The following RFX2 variants were observed in gnomAD, a reference collection of about 807,000 sequenced individuals.
RFX2 encodes the protein regulatory factor X2.
A neutral mutation model predicts 87.8 loss-of-function variants in RFX2; 20 were observed. The observed-to-expected ratio is 0.23, with a 90% CI of 0.16 to 0.33. The LOEUF is 0.33. RFX2 is among the 10% of genes least tolerant of loss of function. The pLI is 1.00. For synonymous variants in RFX2, 397 were observed against 431.3 expected (o/e 0.92, Z 0.98); for missense variants, 767 against 1,012.3 (o/e 0.76, Z 3.29).
chr19:6,077,875 G>A (rs138598087), intron 1 of RFX2, among the ~76,000 whole-genome samples: 3,415 of 151,878 alleles, frequency 0.022, 137 homozygotes, highest in African/African-American at 0.079. Context: ...AGCTACTTGG[G>A]AGGCTGAGGC....
intron 1 of RFX2, among the ~76,000 whole-genome samples, chr19:6,048,879 C>T (rs573234489): frequency 6.6e-6 from 1 of 151,554 alleles, no homozygotes; most frequent in Non-Finnish European, 1.5e-5. Flanking sequence ...CCCCGGCCCC[C>T]GCCCCCGTCC....
intron 1 of RFX2, among the ~76,000 whole-genome samples, chr19:6,100,730 A>G (rs2088110214): frequency 6.6e-6 from 1 of 152,004 alleles, no homozygotes; most frequent in Admixed American, 6.5e-5. Context: ...GTGAAATTAA[A>G]TAACTGCAAA....
Position 6,012,177 on chromosome 19 carries a change from A to G in RFX2, c.899+809T>C, listed in dbSNP as rs2086667292. On this transcript the variant is annotated intron_variant, in intron 8 of 17. Coordinates refer to ENST00000303657, the MANE Select transcript of RFX2 (RefSeq NM_000635.4). The surrounding 1 kb of genome is among the most constrained non-coding windows in gnomAD (Gnocchi z 4.6). The stretch of plus-strand genomic sequence containing the variant: ...AGAAAGTTTGTGATGGATGGAGAAG[A>G]GGATCTTCCAGAAAATAACCAGGGC... 1 of 152,258 alleles carries G rather than the reference A, an allele frequency of 6.6e-6. No individual in the cohort carries two copies. The highest frequency in any genetic ancestry group is 2.1e-4 in the South Asian group (1 of 4,834). 9.4% of individuals were successfully genotyped at this position (152,258 alleles called of 1,614,324 possible).
Position 6,074,472 on chromosome 19 carries a change from G to C in RFX2, c.-8-26968C>G, listed in dbSNP as rs1199424110. 2.0e-5 allele frequency among the ~76,000 whole-genome samples: 3 copies of C among 152,174 alleles called. No homozygotes were observed. Among genetic ancestry groups the C allele is most frequent in the East Asian group, 3.9e-4 (2 of 5,186 alleles). On this transcript the variant is annotated intron_variant, in intron 1 of 17. Transcript: ENST00000303657. The surrounding 1 kb of genome is among the most constrained non-coding windows in gnomAD (Gnocchi z 5.2). The stretch of plus-strand genomic sequence containing the variant: ...AGGGTGCCCATAACACACTCCCTCA[G>C]AGCCTGGACACTCAGCCATCGTTCA...
At position 5,994,944 on chromosome 19, in the gene RFX2, A is replaced by G. The variant is rs546787693; in HGVS notation, c.2063T>C (p.Met688Thr). The G allele has an allele frequency of 4.7e-5, 76 of 1,606,004 alleles. No individual in the cohort carries two copies. Among genetic ancestry groups the G allele is most frequent in the Middle Eastern group, 1.7e-4 (1 of 6,048 alleles). The change falls in exon 18 of 18, where the codon ATG (methionine) becomes ACG (threonine). Residue 688 changes from methionine to threonine, a missense_variant. By Grantham distance (81) the Met-to-Thr change is moderately conservative. Coordinates refer to ENST00000303657, the MANE Select transcript of RFX2 (RefSeq NM_000635.4). ...CTCGCTGCCACGCTGCTCATCGCCC[A>G]TGTCATCTGCGGAGGGAGGGGTAGG... ...LSLTLLDKDD[M>T]GDEQRGSEAG...
intron 3 of RFX2, among the ~76,000 whole-genome samples, chr19:6,043,227 TG>T (rs1379302020): frequency 1.3e-5 from 2 of 152,332 alleles, no homozygotes; most frequent in African/African-American, 4.8e-5. Context: ...CTCTCCTTGG[TG>T]TCTCTGGGGA....
At position 6,074,537 on chromosome 19, in the gene RFX2, G is replaced by A. The variant is rs1030655413; in HGVS notation, c.-8-27033C>T. ...ACAGTCTGAGCATCTGCCATGTGCC[G>A]GCTTCAAGTGCTGAGGACACAGCAG... On this transcript the variant is annotated intron_variant, in intron 1 of 17. Coordinates refer to ENST00000303657, the MANE Select transcript of RFX2 (RefSeq NM_000635.4). This position sits in a 1 kb window ranked among gnomAD's most constrained non-coding sequence, Gnocchi z 5.2. Among the ~76,000 whole-genome samples the A allele has an allele frequency of 2.6e-5, 4 of 152,180 alleles. No homozygotes were observed. Among genetic ancestry groups the A allele is most frequent in the South Asian group, 2.1e-4 (1 of 4,830 alleles).
At chr19:6,086,496 C>T (rs1477922325) in intron 1 of RFX2, among the ~76,000 whole-genome samples, 2 of 152,172 alleles carry the variant, frequency 1.3e-5, no homozygotes, top group Admixed American at 6.5e-5. Flanking sequence ...AGAAAAGGTA[C>T]AGGAAAAATA....
rs1013815643 is a variant in RFX2, at chr19:6,101,054, T to C, written c.-9+9339A>G. Among the ~76,000 whole-genome samples the C allele has an allele frequency of 1.3e-5, 2 of 152,226 alleles. No individual in the cohort carries two copies. On this transcript the variant is annotated intron_variant, in intron 1 of 17. Transcript: ENST00000303657. This position sits in a 1 kb window ranked among gnomAD's most constrained non-coding sequence, Gnocchi z 4.9. The stretch of plus-strand genomic sequence containing the variant: ...AGTTGCCAATGGTTTCTAACAATTT[T>C]AAATTTGTCTAGTGCCTTCTCCCCT...
chr19:6,109,245 G>A (rs1483945477), intron 1 of RFX2: 3 of 152,114 alleles, frequency 2.0e-5, no homozygotes, highest in Admixed American at 6.5e-5. Flanking sequence ...GAGAGCTGCG[G>A]ACGTGCGGAG....
intron 1 of RFX2, among the ~76,000 whole-genome samples, chr19:6,081,467 G>C (rs2087784495): frequency 6.6e-6 from 1 of 152,242 alleles, no homozygotes; most frequent in Non-Finnish European, 1.5e-5. Flanking sequence ...TAAGCATTTA[G>C]TTAACATGAA....
rs2086457797 is a variant in RFX2 at position 5,999,107 on chromosome 19, T to C, written c.1860-1894A>G. Among the ~76,000 whole-genome samples, 1 of 151,942 alleles carries C rather than the reference T, an allele frequency of 6.6e-6. No individual in the cohort carries two copies. Among genetic ancestry groups the C allele is most frequent in the Non-Finnish European group, 1.5e-5 (1 of 67,992 alleles). ...CCCGTCTCTACTAAAAATACAAAAA[T>C]CAGCCAGGCCTGGTGGTGGGCACCT... On this transcript the variant is annotated intron_variant, in intron 15 of 17. Transcript: ENST00000303657. The surrounding 1 kb of genome is among the most constrained non-coding windows in gnomAD (Gnocchi z 4.1).
At chr19:6,091,338 C>T (rs558681351) in intron 1 of RFX2, among the ~76,000 whole-genome samples, 1 of 152,024 alleles carries the variant, frequency 6.6e-6, no homozygotes, top group African/African-American at 2.4e-5. Flanking sequence ...AAAAAATTAG[C>T]CAGGCATGGT....
chr19:6,032,191 G>A (rs150799141), intron 5 of RFX2, among the ~76,000 whole-genome samples: 16 of 151,928 alleles, frequency 1.1e-4, no homozygotes, highest in East Asian at 9.7e-4. Flanking sequence ...GCGCGATCTC[G>A]GCTCACTGCA....
At position 5,997,359 on chromosome 19, in the gene RFX2, C is replaced by G. The variant is rs577883305; in HGVS notation, c.1860-146G>C. 1 of 937,938 alleles carries G rather than the reference C, an allele frequency of 1.1e-6. No individual in the cohort carries two copies. Among genetic ancestry groups the G allele is most frequent in the Non-Finnish European group, 1.5e-6 (1 of 656,778 alleles). The allele number at this position is 937,938 out of a possible 1,614,324, so 58.1% of individuals were successfully genotyped here. A position where few individuals can be genotyped will look rare whatever the true frequency, so the allele number is the denominator to read the frequency against. On this transcript the variant is annotated intron_variant, in intron 15 of 17. Coordinates refer to ENST00000303657, the MANE Select transcript of RFX2 (RefSeq NM_000635.4). The surrounding 1 kb of genome is among the most constrained non-coding windows in gnomAD (Gnocchi z 4.2). The stretch of plus-strand genomic sequence containing the variant: ...AGTGATCCTAAGACGTGCAGGCCTA[C>G]GCGGGGGCTGACGGGCTGCCGAGAC...
chr19:5,996,466 T>C (rs2086414252), intron 16 of RFX2, among the ~76,000 whole-genome samples: 1 of 152,154 alleles, frequency 6.6e-6, no homozygotes, highest in African/African-American at 2.4e-5. Context: ...GGCCACACAG[T>C]GTGTGATCCC....
intron 5 of RFX2, among the ~76,000 whole-genome samples, chr19:6,029,607 G>T (rs557667342): frequency 1.3e-5 from 2 of 152,140 alleles, no homozygotes; most frequent in Non-Finnish European, 2.9e-5. Flanking sequence ...TACTTGAAAG[G>T]CTGAGGCCTG....
chr19:6,066,301 G>A (rs2087510906), intron 1 of RFX2, among the ~76,000 whole-genome samples: 1 of 152,162 alleles, frequency 6.6e-6, no homozygotes, highest in South Asian at 2.1e-4. Context: ...ACCAGAAGGT[G>A]CTGGGTCCAA....
chr19:6,081,230 C>G (rs113352703), intron 1 of RFX2, among the ~76,000 whole-genome samples: 1 of 152,076 alleles, frequency 6.6e-6, no homozygotes, highest in Non-Finnish European at 1.5e-5. Flanking sequence ...GCTTCCCGGC[C>G]GGGTATGGTG....
Sources: allele counts gnomAD v4.1 joint callset (sites outside exome capture counted in the v4.1 genomes callset), GRCh38; gene constraint gnomAD v4.1.1; non-coding constraint Gnocchi (gnomAD v3.1); transcripts MANE v1.5; gene names NCBI Gene and HGNC (gene_info 2026-07-23, HGNC 2026-07-21).